The following SLC12A3 variants were observed in gnomAD, a reference collection of about 807,000 sequenced individuals.
The protein encoded by SLC12A3 is solute carrier family 12 member 3.
In SLC12A3, 104 loss-of-function variants were observed where a neutral mutation model predicts 121.0. The ratio of observed to expected loss-of-function variants is 0.86; its 90% CI spans 0.73 to 1.01. The LOEUF is 1.01. Among genes scored for constraint, SLC12A3 ranks in the 50% least tolerant of loss-of-function variants. The probability of loss-of-function intolerance (pLI) is 0.00; values close to 1 mark genes in which losing one functional copy is unlikely to be tolerated. For synonymous variants in SLC12A3, 536 were observed against 533.4 expected (o/e 1.00, Z -0.07); for missense variants, 1,328 against 1,356.3 (o/e 0.98, Z 0.33).
chr16:56,909,375 C>A (rs1754978813), intron 25 of SLC12A3, among the ~76,000 whole-genome samples: 1 of 151,948 alleles, frequency 6.6e-6, no homozygotes, highest in African/African-American at 2.4e-5. Flanking sequence ...AGAATTTCAT[C>A]CCGGGAGGTG....
At chr16:56,912,891 C>T (rs1416278830) in intron 25 of SLC12A3, among the ~76,000 whole-genome samples, 3 of 151,982 alleles carry the variant, frequency 2.0e-5, no homozygotes, top group African/African-American at 7.3e-5. Context: ...TGCTCCTTTC[C>T]TGGTGGGTGG....
At chr16:56,911,470 G>A (rs542876360) in intron 25 of SLC12A3, among the ~76,000 whole-genome samples, 17 of 152,212 alleles carry the variant, frequency 1.1e-4, no homozygotes, top group South Asian at 2.1e-4. Context: ...GACCACAGGC[G>A]TGTGCCATCA....
chr16:56,910,359 G>A (rs868786774), intron 25 of SLC12A3, among the ~76,000 whole-genome samples: 10 of 151,408 alleles, frequency 6.6e-5, no homozygotes, highest in Middle Eastern at 3.2e-3. Flanking sequence ...TTTTGGTGGC[G>A]GGGTCTTACT....
At chr16:56,905,744 A>G (rs555888096) in intron 25 of SLC12A3, among the ~76,000 whole-genome samples, 2 of 152,280 alleles carry the variant, frequency 1.3e-5, no homozygotes, top group South Asian at 2.1e-4. Flanking sequence ...CATAGGATGT[A>G]TGGAATTTGT....
rs1219632179 is a variant in SLC12A3, at chr16:56,886,944, C to T, written c.2038-9C>T. On this transcript the variant is annotated splice_polypyrimidine_tract_variant and intron_variant, in intron 16 of 25. Coordinates refer to ENST00000563236, the MANE Select transcript of SLC12A3 (RefSeq NM_001126108.2). ...AGCTGGTGATGTCCCCTGCCCCTCC[C>T]ACCCACAGGGACCCCACAAGCAGAG... 21 of 1,613,342 alleles carry T rather than the reference C, an allele frequency of 1.3e-5. No individual in the cohort carries two copies. The highest frequency in any genetic ancestry group is 1.7e-5 in the Non-Finnish European group (20 of 1,179,958).
At chr16:56,865,721 C>T (rs1393445335) in intron 1 of SLC12A3, among the ~76,000 whole-genome samples, 2 of 152,172 alleles carry the variant, frequency 1.3e-5, no homozygotes, top group African/African-American at 4.8e-5. Context: ...CACTAGCAAC[C>T]CAAAGCTAGA....
At chr16:56,894,353 C>G (rs1387372897) in intron 21 of SLC12A3, among the ~76,000 whole-genome samples, 178 bp from the exon 22 acceptor site, 3 of 152,140 alleles carry the variant, frequency 2.0e-5, no homozygotes, top group African/African-American at 7.2e-5. Context: ...TAAACCCTAC[C>G]CCACAGAGCA....
At chr16:56,899,350 G>A (rs181551216) in intron 22 of SLC12A3, among the ~76,000 whole-genome samples, 180 bp from the exon 23 acceptor site, 13 of 152,308 alleles carry the variant, frequency 8.5e-5, no homozygotes, top group African/African-American at 1.9e-4. Context: ...TTAGCCATGC[G>A]TGGTGGCACA....
intron 2 of SLC12A3, 40 bp downstream of exon 2, chr16:56,867,256 G>T: frequency 1.9e-6 from 3 of 1,571,476 alleles, no homozygotes; most frequent in Non-Finnish European, 2.6e-6. Context: ...CCAGAAATGG[G>T]GGTGGGGTGG....
chr16:56,879,100 G>T lies in SLC12A3; in HGVS notation c.1208G>T (p.Gly403Val). The T allele has an allele frequency of 6.2e-7, 1 of 1,612,922 alleles. No individual in the cohort carries two copies. Among genetic ancestry groups the T allele is most frequent in the Non-Finnish European group, 8.5e-7 (1 of 1,179,712 alleles). ...IGSCVVRDAS[G>V]VLNDTVTPGW... ...TCCTGCGTGGTGCGTGATGCCTCTG[G>T]GGTCCTGAATGACACAGTGACCCCT... The change falls in exon 10 of 26, where the codon GGG (glycine) becomes GTG (valine). Residue 403 changes from glycine to valine, a missense_variant. By Grantham distance (109) the Gly-to-Val change is moderately radical (BLOSUM62 -3). Transcript: ENST00000563236.
At chr16:56,874,027 T>C (rs376840801) in intron 8 of SLC12A3, among the ~76,000 whole-genome samples, 35 of 152,302 alleles carry the variant, frequency 2.3e-4, no homozygotes, top group African/African-American at 8.4e-4. Context: ...CTCTTTCAAA[T>C]ACCGCCTTCA....
chr16:56,892,305 G>A lies in SLC12A3; in HGVS notation c.2419+172G>A, dbSNP rs1357942172. On this transcript the variant is annotated intron_variant, in intron 20 of 25. Transcript: ENST00000563236. ...CTGGAGTTGGGAACTGGAGGGGCTT[G>A]GCCGTGTCAAAGATTGCCAGCAGCC... The A allele has an allele frequency of 4.5e-6, 3 of 668,398 alleles. No homozygotes were observed. In the East Asian group the frequency reaches 8.2e-5, roughly 18 times the overall value. The allele number at this position is 668,398 out of a possible 1,614,324, so 41.4% of individuals were successfully genotyped here.
intron 8 of SLC12A3, among the ~76,000 whole-genome samples, chr16:56,873,987 C>T (rs1302064723): frequency 6.6e-6 from 1 of 152,222 alleles, no homozygotes; most frequent in Non-Finnish European, 1.5e-5. Context: ...GCTGGGATTA[C>T]AGGAGTGAGC....
intron 20 of SLC12A3, 90 bp downstream of exon 20, chr16:56,892,223 C>T (rs1567441263): frequency 8.5e-7 from 1 of 1,179,302 alleles, no homozygotes; most frequent in East Asian, 2.3e-5. Context: ...GGGTGGGCCA[C>T]TTGGGAACTT....
chr16:56,890,588 A>G lies in SLC12A3; in HGVS notation c.2368+232A>G, dbSNP rs115387132. Among the ~76,000 whole-genome samples, 883 of 152,226 alleles carry G rather than the reference A, an allele frequency of 5.8e-3. 12 individuals carry two copies. Among genetic ancestry groups the G allele is most frequent in the African/African-American group, 0.02 (823 of 41,552 alleles). On this transcript the variant is annotated intron_variant, in intron 19 of 25. Transcript: ENST00000563236. Reference sequence around the variant, plus strand: ...GGAACTCAGGGTTCCCCAAATCACAATTGGGTCGGGGCAAAAGGATCTAAT... The same window carrying G: ...GGAACTCAGGGTTCCCCAAATCACAGTTGGGTCGGGGCAAAAGGATCTAAT...
intron 5 of SLC12A3, 110 bp from the exon 6 acceptor site, chr16:56,870,516 C>T: frequency 1.2e-6 from 1 of 826,458 alleles, no homozygotes; most frequent in Admixed American, 1.9e-5. Flanking sequence ...CTTGAGTTAA[C>T]ATCGTCCTAG....
chr16:56,902,574 T>C (rs553944356), intron 24 of SLC12A3, 66 bp downstream of exon 24: 1 of 1,591,478 alleles, frequency 6.3e-7, no homozygotes, highest in East Asian at 2.2e-5. Context: ...GTCCTGCATG[T>C]CTTGAGCTCC....
chr16:56,905,758 T>C (rs2144775989), intron 25 of SLC12A3, among the ~76,000 whole-genome samples: 1 of 152,320 alleles, frequency 6.6e-6, no homozygotes, highest in East Asian at 1.9e-4. Context: ...AATTTGTTTT[T>C]TAAAAAATCT....
chr16:56,905,567 A>G (rs2055597815), intron 25 of SLC12A3, among the ~76,000 whole-genome samples: 1 of 151,584 alleles, frequency 6.6e-6, no homozygotes, highest in South Asian at 2.1e-4. Flanking sequence ...CAGGTTCTGC[A>G]TGACAGCCGA....
Sources: gnomAD v4.1 joint callset for allele counts (sites outside exome capture counted in the v4.1 genomes callset) on GRCh38, gnomAD v4.1.1 for gene constraint, MANE v1.5 for transcripts, NCBI Gene and HGNC (gene_info 2026-07-23, HGNC 2026-07-21) for gene names.